NKAIN2: variants seen among roughly 807,000 people sequenced by gnomAD.
The protein encoded by NKAIN2 is sodium/potassium-transporting ATPase subunit beta-1-interacting protein 2.
In NKAIN2, 14 loss-of-function variants were observed where a neutral mutation model predicts 32.6. That is an observed-to-expected ratio of 0.43 (90% CI 0.28 to 0.67). The LOEUF is 0.67. Ranked by LOEUF, NKAIN2 falls within the 30% of genes least tolerant of loss-of-function variation. NKAIN2 has a pLI of 0.17. For synonymous variants in NKAIN2, 80 were observed against 87.2 expected, an observed-to-expected ratio of 0.92 and a Z score of 0.46; for missense variants, 198 against 258.3, an observed-to-expected ratio of 0.77 and a Z score of 1.60.
chr6:124,103,238 G>C (rs532847694), intron 1 of NKAIN2, among the ~76,000 whole-genome samples: 5 of 152,154 alleles, frequency 3.3e-5, no homozygotes, highest in Admixed American at 6.5e-5. Flanking sequence ...GAGTAATGTT[G>C]TTAAAAATAA....
At chr6:124,623,241 T>A (rs1376714676) in intron 3 of NKAIN2, among the ~76,000 whole-genome samples, 2 of 152,180 alleles carry the variant, frequency 1.3e-5, no homozygotes, top group African/African-American at 4.8e-5. Flanking sequence ...CTTAAATATA[T>A]TTTAAGTGAT....
chr6:124,141,731 G>C (rs1463847159), intron 1 of NKAIN2, among the ~76,000 whole-genome samples: 28 of 151,984 alleles, frequency 1.8e-4, no homozygotes. Context: ...CATCCTATCA[G>C]ATCAATATTG....
At chr6:124,299,188 C>T (rs1796193871) in intron 2 of NKAIN2, among the ~76,000 whole-genome samples, 2 of 152,154 alleles carry the variant, frequency 1.3e-5, no homozygotes, top group South Asian at 4.1e-4. Flanking sequence ...GCCACAGCAG[C>T]AGAAACAGCA....
Position 123,913,268 on chromosome 6 carries a change from T to C in NKAIN2, c.54+109014T>C, listed in dbSNP as rs1775315971. Reference sequence around the variant, plus strand: ...AAAAGTGATAAAACATGAAAACAAATAGGGCCTAAAATCAGCTAATTAATT... The same window carrying C: ...AAAAGTGATAAAACATGAAAACAAACAGGGCCTAAAATCAGCTAATTAATT... On this transcript the variant is annotated intron_variant, in intron 1 of 6. Transcript: ENST00000368417. Among the ~76,000 whole-genome samples, 2 of 152,064 alleles carry C rather than the reference T, an allele frequency of 1.3e-5. 1 individual carries two copies. The highest frequency in any genetic ancestry group is 4.1e-4 in the South Asian group (2 of 4,824).
intron 1 of NKAIN2, among the ~76,000 whole-genome samples, chr6:123,892,188 C>G (rs905765704): frequency 6.6e-6 from 1 of 152,184 alleles, no homozygotes; most frequent in Non-Finnish European, 1.5e-5. Flanking sequence ...GCATTACATA[C>G]TTGGCCCCAG....
At chr6:124,398,884 A>G (rs1455929711) in intron 3 of NKAIN2, among the ~76,000 whole-genome samples, 1 of 152,190 alleles carries the variant, frequency 6.6e-6, no homozygotes, top group East Asian at 1.9e-4. Context: ...ATCCTGTTTC[A>G]AATTTCTGAA....
chr6:124,524,898 C>T (rs1288623127), intron 3 of NKAIN2, among the ~76,000 whole-genome samples: 1 of 152,030 alleles, frequency 6.6e-6, no homozygotes, highest in African/African-American at 2.4e-5. Flanking sequence ...ATATACCTTC[C>T]GTATATGTAG....
At chr6:123,933,609 G>A (rs1480491127) in intron 1 of NKAIN2, among the ~76,000 whole-genome samples, 1 of 152,194 alleles carries the variant, frequency 6.6e-6, no homozygotes, top group East Asian at 1.9e-4. Flanking sequence ...ATACAGAAAA[G>A]TAGCGTGAGC....
In NKAIN2 at chr6:124,670,645, C is replaced by G. The variant is rs199644783; in HGVS notation, c.474+12259C>G. 2.1e-3 allele frequency among the ~76,000 whole-genome samples: 266 copies of G among 123,906 alleles called. 1 individual carries two copies. Among genetic ancestry groups the G allele is most frequent in the South Asian group, 5.5e-3 (19 of 3,470 alleles). The allele number at this position is 123,906 out of a possible 152,430, so 81.3% of individuals were successfully genotyped here. On this transcript the variant is annotated intron_variant, in intron 4 of 6. Coordinates refer to ENST00000368417, the MANE Select transcript of NKAIN2 (RefSeq NM_001040214.3). ...TTTACCTGAGATTAATCTTTGCTTTCTGTGTGTGTGTGTGTGTGTGTGTGT... is the reference window on the plus strand; with the variant it reads ...TTTACCTGAGATTAATCTTTGCTTTGTGTGTGTGTGTGTGTGTGTGTGTGT...
rs563515315 is a variant in NKAIN2 at position 124,018,845 on chromosome 6, G to A, written c.54+214591G>A. 2.0e-5 allele frequency among the ~76,000 whole-genome samples: 3 copies of A among 152,138 alleles called. No individual in the cohort carries two copies. In the East Asian group the frequency reaches 5.8e-4, roughly 29 times the overall value. ...GTTCCAAAGTTGCTTCATATTTTTG[G>A]GTGTTTTTACAGCAGTACCCCTTTC... is the stretch of plus-strand genomic sequence containing the variant. On this transcript the variant is annotated intron_variant, in intron 1 of 6. Transcript: ENST00000368417.
At position 124,444,980 on chromosome 6, in the gene NKAIN2, T is replaced by TA. The variant is rs564980228; in HGVS notation, c.273+89641dup. ...GCAACTCTTCATCAAAAGGAATTGT[T>TA]AAAAAAAACAAATAATACATGCATG... On this transcript the variant is annotated intron_variant, in intron 3 of 6. Transcript: ENST00000368417. Among the ~76,000 whole-genome samples the TA allele has an allele frequency of 6.4e-4, 97 of 151,722 alleles. 1 individual carries two copies. In the East Asian group the frequency reaches 0.016, roughly 25 times the overall value.
At chr6:124,399,596 G>A (rs1181644071) in intron 3 of NKAIN2, among the ~76,000 whole-genome samples, 1 of 152,210 alleles carries the variant, frequency 6.6e-6, no homozygotes, top group Non-Finnish European at 1.5e-5. Context: ...GTGGCGGTGA[G>A]TCAGGCAGGC....
At chr6:124,711,111 A>C (rs1406234598) in intron 4 of NKAIN2, among the ~76,000 whole-genome samples, 1 of 142,914 alleles carries the variant, frequency 7.0e-6, no homozygotes, top group Non-Finnish European at 1.5e-5. Context: ...GCTGGATATG[A>C]AATTCTGGGT....
chr6:123,960,907 C>A (rs948711120), intron 1 of NKAIN2, among the ~76,000 whole-genome samples: 5 of 151,852 alleles, frequency 3.3e-5, no homozygotes, highest in Non-Finnish European at 7.4e-5. Context: ...GGCAACAATG[C>A]AAGTTCTTCT....
chr6:124,412,956 C>A (rs619647), intron 3 of NKAIN2, among the ~76,000 whole-genome samples: 24,527 of 152,146 alleles, frequency 0.16, 2,276 homozygotes, highest in East Asian at 0.24. Flanking sequence ...GCTCCATGGG[C>A]GTAGGACCCT....
chr6:124,702,449 T>C (rs1386525895), intron 4 of NKAIN2, among the ~76,000 whole-genome samples: 4 of 152,128 alleles, frequency 2.6e-5, no homozygotes, highest in Non-Finnish European at 5.9e-5. Flanking sequence ...CTGGCTGAGA[T>C]GAACAGCCAG....
At chr6:124,798,586 C>G (rs988306358) in intron 5 of NKAIN2, among the ~76,000 whole-genome samples, 1 of 152,158 alleles carries the variant, frequency 6.6e-6, no homozygotes, top group African/African-American at 2.4e-5. Context: ...TGTCATCTTT[C>G]ACCTTTCCTT....
intron 1 of NKAIN2, among the ~76,000 whole-genome samples, chr6:124,133,783 C>G (rs1421009292): frequency 6.6e-6 from 1 of 151,766 alleles, no homozygotes; most frequent in Non-Finnish European, 1.5e-5. Flanking sequence ...GAGTCTTCAC[C>G]CCTAGAGCAC....
chr6:124,761,067 G>A (rs1366780506), intron 4 of NKAIN2, among the ~76,000 whole-genome samples: 1 of 152,090 alleles, frequency 6.6e-6, no homozygotes, highest in Non-Finnish European at 1.5e-5. Context: ...AAAGATACAA[G>A]GGTTGTGTTA....
Sources: allele counts gnomAD v4.1 joint callset (sites outside exome capture counted in the v4.1 genomes callset), GRCh38; gene constraint gnomAD v4.1.1; transcripts MANE v1.5; gene names NCBI Gene and HGNC (gene_info 2026-07-23, HGNC 2026-07-21).